The following INSYN2B variants were observed in gnomAD, a reference collection of about 807,000 sequenced individuals.
INSYN2B encodes the protein protein INSYN2B.
In INSYN2B, 16 loss-of-function variants were observed where a neutral mutation model predicts 41.2. The observed-to-expected ratio is 0.39, with a 90% CI of 0.26 to 0.59. The LOEUF (loss-of-function observed/expected upper bound fraction) is 0.59, where lower values mean the gene tolerates loss of function less well. INSYN2B is among the 20% of genes least tolerant of loss of function. The probability of loss-of-function intolerance (pLI) is 0.57; values close to 1 mark genes in which losing one functional copy is unlikely to be tolerated. For synonymous variants in INSYN2B, 245 were observed against 244.4 expected, an observed-to-expected ratio of 1.00 and a Z score of -0.02; for missense variants, 608 against 646.4, an observed-to-expected ratio of 0.94 and a Z score of 0.64.
Position 169,970,341 on chromosome 5 carries a change from G to T in INSYN2B, c.-919+9936C>A, listed in dbSNP as rs193164176. Among the ~76,000 whole-genome samples, 483 of 152,312 alleles carry T rather than the reference G, an allele frequency of 3.2e-3. 1 individual carries two copies. The highest frequency in any genetic ancestry group is 5.3e-3 in the Non-Finnish European group (360 of 68,016). On this transcript the variant is annotated intron_variant, in intron 1 of 3. Transcript: ENST00000377365. ...CCTATTTGGTCAGAAAAGTAAAGAAGAATGTATTTCTCAAATATCAGCCTT... is the reference window on the plus strand; with the variant it reads ...CCTATTTGGTCAGAAAAGTAAAGAATAATGTATTTCTCAAATATCAGCCTT...
chr5:169,865,321 G>T (rs1561776073), intron 3 of INSYN2B, among the ~76,000 whole-genome samples: 1 of 152,180 alleles, frequency 6.6e-6, no homozygotes, highest in East Asian at 1.9e-4. Flanking sequence ...TGAGGTCAGG[G>T]GAGGTGGGCG....
intron 1 of INSYN2B, among the ~76,000 whole-genome samples, chr5:169,888,606 T>A (rs893776590): frequency 2.6e-5 from 4 of 152,320 alleles, no homozygotes; most frequent in Non-Finnish European, 4.4e-5. Flanking sequence ...CTTTTCTCAG[T>A]ATCTTTAGGC....
At chr5:169,959,171 T>A (rs2113740975) in intron 1 of INSYN2B, among the ~76,000 whole-genome samples, 1 of 152,168 alleles carries the variant, frequency 6.6e-6, no homozygotes, top group Middle Eastern at 3.4e-3. Flanking sequence ...GGGGGGCGGA[T>A]CATGAGGTCA....
chr5:169,960,785 A>G (rs1777054402), intron 1 of INSYN2B, among the ~76,000 whole-genome samples: 2 of 152,222 alleles, frequency 1.3e-5, no homozygotes, highest in Non-Finnish European at 1.5e-5. Flanking sequence ...TAAATAATTC[A>G]TAAGTTTTAA....
At chr5:169,889,962 A>G (rs1773188981) in intron 1 of INSYN2B, among the ~76,000 whole-genome samples, 2 of 152,056 alleles carry the variant, frequency 1.3e-5, no homozygotes, top group African/African-American at 4.8e-5. Context: ...AGTAATAATA[A>G]CCTTTACTGT....
chr5:169,967,863 T>G (rs1449526722), intron 1 of INSYN2B, among the ~76,000 whole-genome samples: 1 of 152,150 alleles, frequency 6.6e-6, no homozygotes, highest in African/African-American at 2.4e-5. Context: ...GGCTTGTGAT[T>G]TATTGAATGT....
chr5:169,883,615 A>G lies in INSYN2B; in HGVS notation c.284T>C (p.Ile95Thr), dbSNP rs893287203. ...RSQKAGGFRN[I>T]AIQTSPSLRK... ...GAGACTGGGGGAAGTTTGGATTGCA[A>G]TGTTGCGAAAGCCCCCTGCCTTCTG... The change falls in exon 2 of 4, where the codon ATT becomes ACT. Residue 95 changes from isoleucine (I) to threonine (T), a missense_variant. Coordinates refer to ENST00000377365, the MANE Select transcript of INSYN2B (RefSeq NM_001129891.3). The G allele has an allele frequency of 5.2e-6, 8 of 1,551,436 alleles. No individual in the cohort carries two copies. The highest frequency in any genetic ancestry group is 7.0e-6 in the Non-Finnish European group (8 of 1,146,934).
chr5:169,877,921 G>C (rs11740057), intron 3 of INSYN2B, among the ~76,000 whole-genome samples: 57,886 of 151,850 alleles, frequency 0.38, 11,902 homozygotes, highest in Non-Finnish European at 0.46. Context: ...TCCAATTCCT[G>C]AACAGCATGC....
In INSYN2B at chr5:169,883,816, T is replaced by C; in HGVS notation, c.83A>G (p.His28Arg). 2.6e-6 allele frequency: 4 copies of C among 1,550,092 alleles called. No individual in the cohort carries two copies. The highest frequency in any genetic ancestry group is 3.5e-6 in the Non-Finnish European group (4 of 1,146,224). ...LESVEFVKQP[H>R]HRRSKSQQVR... ...CTGCTGGGATTTGCTCCTGCGGTGG[T>C]GAGGTTGTTTCACAAACTCCACTGA... Residue 28 changes from histidine to arginine, a missense_variant, in exon 2 of 4, where the codon CAC becomes CGC. Physicochemically the swap from His to Arg is conservative, Grantham distance 29. Coordinates refer to ENST00000377365, the MANE Select transcript of INSYN2B (RefSeq NM_001129891.3).
chr5:169,977,033 G>A (rs916951960), intron 1 of INSYN2B, among the ~76,000 whole-genome samples: 2 of 152,192 alleles, frequency 1.3e-5, no homozygotes, highest in Admixed American at 6.5e-5. Context: ...GTCACTGCAC[G>A]CAAAGACAGA....
At chr5:169,972,407 A>C (rs534436228) in intron 1 of INSYN2B, among the ~76,000 whole-genome samples, 9 of 152,318 alleles carry the variant, frequency 5.9e-5, no homozygotes, top group Admixed American at 2.6e-4. Context: ...GTATTGTAGG[A>C]TATTTTAGCA....
intron 1 of INSYN2B, among the ~76,000 whole-genome samples, chr5:169,912,252 G>A (rs1228901093): frequency 6.6e-6 from 1 of 151,974 alleles, no homozygotes; most frequent in African/African-American, 2.4e-5. Context: ...AGAAAATGGG[G>A]TCTCACTGTG....
intron 1 of INSYN2B, among the ~76,000 whole-genome samples, chr5:169,941,017 C>T (rs1776221561): frequency 6.6e-6 from 1 of 152,168 alleles, no homozygotes; most frequent in African/African-American, 2.4e-5. Flanking sequence ...GAAAAACAGA[C>T]AGAAAGCCTG....
Position 169,883,191 on chromosome 5 carries a change from C to A in INSYN2B, c.708G>T (p.Leu236Phe). 1 of 1,551,594 alleles carries A rather than the reference C, an allele frequency of 6.4e-7. No homozygotes were observed. Among genetic ancestry groups the A allele is most frequent in the African/African-American group, 1.4e-5 (1 of 73,136 alleles). Residue 236 changes from leucine to phenylalanine, a missense_variant, in exon 2 of 4, where the codon TTG (leucine) becomes TTT (phenylalanine). By Grantham distance (22) the Leu-to-Phe change is conservative (BLOSUM62 0). Coordinates refer to ENST00000377365, the MANE Select transcript of INSYN2B (RefSeq NM_001129891.3). ...TCCCATCACCTGGACGTGTGTCATC[C>A]AAAGGGTGTATGGAGTTACTTACTT... The part of the protein sequence containing the change: ...SAEVSNSIHP[L>F]DDTRPGDGRR...
chr5:169,951,967 G>T (rs1274128605), intron 1 of INSYN2B, among the ~76,000 whole-genome samples: 1 of 152,150 alleles, frequency 6.6e-6, no homozygotes, highest in Admixed American at 6.5e-5. Context: ...CTCTCAGCCA[G>T]GAAGTCACTC....
At chr5:169,938,155 A>T (rs1776075939) in intron 1 of INSYN2B, among the ~76,000 whole-genome samples, 1 of 152,204 alleles carries the variant, frequency 6.6e-6, no homozygotes, top group African/African-American at 2.4e-5. Context: ...TAAAGCTTGC[A>T]GTCTATTCAA....
At chr5:169,911,406 G>T (rs542544565) in intron 1 of INSYN2B, among the ~76,000 whole-genome samples, 1 of 152,254 alleles carries the variant, frequency 6.6e-6, no homozygotes, top group East Asian at 1.9e-4. Flanking sequence ...GGAGCTTTTA[G>T]AACCTAGAGC....
rs1006463335 is a variant in INSYN2B at position 169,882,421 on chromosome 5, G to A, written c.1346+132C>T. 4.1e-5 allele frequency: 30 copies of A among 726,196 alleles called. No homozygotes were observed. The African/African-American group carries it at 5.0e-4, about 12-fold the overall frequency. The allele number at this position is 726,196 out of a possible 1,614,324, so 45.0% of individuals were successfully genotyped here. A position where few individuals can be genotyped will look rare whatever the true frequency, so the allele number is the denominator to read the frequency against. On this transcript the variant is annotated intron_variant, in intron 2 of 3. Coordinates refer to ENST00000377365, the MANE Select transcript of INSYN2B (RefSeq NM_001129891.3). Reference sequence around the variant, plus strand: ...AGAGAAAAGGGAGGTCTGTGGTTATGATTTGGAGAAACAACAGTGCTTCAA... The same window carrying A: ...AGAGAAAAGGGAGGTCTGTGGTTATAATTTGGAGAAACAACAGTGCTTCAA...
At chr5:169,896,264 G>A (rs1235534586) in intron 1 of INSYN2B, among the ~76,000 whole-genome samples, 1 of 152,132 alleles carries the variant, frequency 6.6e-6, no homozygotes, top group Non-Finnish European at 1.5e-5. Context: ...AGAATCTTAT[G>A]GGTTCAGAGT....
Sources: gnomAD v4.1 joint callset for allele counts (sites outside exome capture counted in the v4.1 genomes callset) on GRCh38, gnomAD v4.1.1 for gene constraint, MANE v1.5 for transcripts, NCBI Gene and HGNC (gene_info 2026-07-23, HGNC 2026-07-21) for gene names.